Variants in SMCHD1 observed in about 807,000 individuals in gnomAD.
SMCHD1 encodes structural maintenance of chromosomes flexible hinge domain containing 1, also known as structural maintenance of chromosomes flexible hinge domain-containing protein 1.
A neutral mutation model predicts 254.7 loss-of-function variants in SMCHD1; 78 were observed. The ratio of observed to expected loss-of-function variants is 0.31; its 90% CI spans 0.26 to 0.37. SMCHD1 has a LOEUF of 0.37. Among genes scored for constraint, SMCHD1 ranks in the 10% least tolerant of loss-of-function variants. The pLI is 1.00. For missense variants in SMCHD1, 1,840 were observed against 2,408.1 expected (o/e 0.76, Z 4.94); for synonymous variants, 766 against 794.9 (o/e 0.96, Z 0.61).
chr18:2,740,609 GAGTA>G (rs1323600885), intron 27 of SMCHD1, 90 bp from the exon 28 acceptor site: 4 of 533,116 alleles, frequency 7.5e-6, no homozygotes, highest in Non-Finnish European at 1.2e-5. Context: ...AGAGAACAAA[GAGTA>G]AGTTTCTAAG....
chr18:2,707,658 A>T lies in SMCHD1; in HGVS notation c.2146+13A>T. On this transcript the variant is annotated intron_variant, in intron 16 of 47. Transcript: ENST00000320876. ...GGAACCCCTATTGGTATGTTTGTTT[A>T]TTTTTCTAATACCAAAAAGTGTGCT... 1 of 1,553,230 alleles carries T rather than the reference A, an allele frequency of 6.4e-7. No homozygotes were observed. The highest frequency in any genetic ancestry group is 8.8e-7 in the Non-Finnish European group (1 of 1,134,428).
chr18:2,782,126 C>G (rs990981679), intron 44 of SMCHD1, among the ~76,000 whole-genome samples: 49 of 152,180 alleles, frequency 3.2e-4, no homozygotes, highest in African/African-American at 1.2e-3. Flanking sequence ...CTTTGCCAAT[C>G]AAATGTTATT....
chr18:2,657,507 G>T (rs1382547752), intron 1 of SMCHD1, among the ~76,000 whole-genome samples: 1 of 152,100 alleles, frequency 6.6e-6, no homozygotes, highest in East Asian at 1.9e-4. Context: ...TGTGTTTATA[G>T]TAAAAATATC....
intron 13 of SMCHD1, among the ~76,000 whole-genome samples, chr18:2,704,769 A>T (rs2143224281): frequency 6.6e-6 from 1 of 152,252 alleles, no homozygotes; most frequent in South Asian, 2.1e-4. Context: ...TTCTCTCCAT[A>T]AATGAGAGAT....
chr18:2,770,879 CA>C (rs1395456513), intron 39 of SMCHD1, among the ~76,000 whole-genome samples: 6 of 152,208 alleles, frequency 3.9e-5, no homozygotes, highest in Non-Finnish European at 8.8e-5. Context: ...CCTTGGCCCC[CA>C]CAAAGTGCTA....
chr18:2,701,474 C>T (rs1396531395), intron 12 of SMCHD1, among the ~76,000 whole-genome samples: 1 of 152,064 alleles, frequency 6.6e-6, no homozygotes, highest in Non-Finnish European at 1.5e-5. Flanking sequence ...ATCTTAATAT[C>T]TAGCCCTTGA....
intron 37 of SMCHD1, among the ~76,000 whole-genome samples, chr18:2,764,502 G>A (rs1458345863): frequency 6.6e-6 from 1 of 152,102 alleles, no homozygotes; most frequent in African/African-American, 2.4e-5. Flanking sequence ...TCTAAAGTTT[G>A]TTTTTATCAA....
Position 2,764,612 on chromosome 18 carries a change from G to T in SMCHD1, c.4719+823G>T, listed in dbSNP as rs190090948. Among the ~76,000 whole-genome samples, 335 of 152,270 alleles carry T rather than the reference G, an allele frequency of 2.2e-3. 3 individuals carry two copies. The highest frequency in any genetic ancestry group is 7.8e-3 in the African/African-American group (326 of 41,558). ...AATAATTAGGAAAAAAATTTCATCT[G>T]TACTGAATACATACATTTTTCTTGT... On this transcript the variant is annotated intron_variant, in intron 37 of 47. Transcript: ENST00000320876.
intron 25 of SMCHD1, among the ~76,000 whole-genome samples, chr18:2,734,164 A>T (rs376099977): frequency 6.6e-6 from 1 of 152,304 alleles, no homozygotes; most frequent in African/African-American, 2.4e-5. Flanking sequence ...GAGAATTGAG[A>T]TAGAAATAAT....
At chr18:2,678,429 C>A (rs1275679286) in intron 5 of SMCHD1, among the ~76,000 whole-genome samples, 1 of 151,780 alleles carries the variant, frequency 6.6e-6, no homozygotes, top group East Asian at 1.9e-4. Context: ...GCCTCCTGGG[C>A]TTGGCTTACA....
chr18:2,739,764 A>G (rs2075313898), intron 27 of SMCHD1, among the ~76,000 whole-genome samples: 1 of 152,216 alleles, frequency 6.6e-6, no homozygotes, highest in African/African-American at 2.4e-5. Flanking sequence ...TGTTAGAAGT[A>G]ATATTACTAG....
In SMCHD1 at chr18:2,678,822, G is replaced by T. The variant is rs375151733; in HGVS notation, c.638+4677G>T. On this transcript the variant is annotated intron_variant, in intron 5 of 47. Transcript: ENST00000320876. The stretch of plus-strand genomic sequence containing the variant: ...GAATGTCTTAATCTTTCCGTTTTTT[G>T]TTTTTTTTTTTTTTTTGTTTGTTTG... 8.3e-5 allele frequency among the ~76,000 whole-genome samples: 12 copies of T among 144,704 alleles called. No individual in the cohort carries two copies. In the South Asian group the frequency reaches 8.8e-4, roughly 11 times the overall value. 94.9% of individuals were successfully genotyped at this position (144,704 alleles called of 152,430 possible).
At position 2,708,909 on chromosome 18, in the gene SMCHD1, AC is replaced by A. The variant is rs2074596331; in HGVS notation, c.2260+990del. 1.4e-4 allele frequency among the ~76,000 whole-genome samples: 4 copies of A among 28,378 alleles called. 1 individual carries two copies. The highest frequency in any genetic ancestry group is 1.8e-4 in the Non-Finnish European group (3 of 16,292). The allele number at this position is 28,378 out of a possible 152,430, so 18.6% of individuals were successfully genotyped here. The stretch of plus-strand genomic sequence containing the variant: ...ATATATATATATATATATATATATA[AC>A]ATATTAACATGAAATTTATGAAGTG... On this transcript the variant is annotated intron_variant, in intron 17 of 47. Transcript: ENST00000320876.
chr18:2,685,094 A>ATTTTTTTTTTTTTTTTTTTTTTTTTTTTT lies in SMCHD1; in HGVS notation c.639-3293_639-3292insTTTTTTTTTTTTTTTTTTTTTTTTTTTTT, dbSNP rs372694951. Among the ~76,000 whole-genome samples the ATTTTTTTTTTTTTTTTTTTTTTTTTTTTT allele has an allele frequency of 7.3e-5, 6 of 81,880 alleles. 3 individuals carry two copies. The highest frequency in any genetic ancestry group is 8.6e-5 in the Non-Finnish European group (4 of 46,752). The allele number at this position is 81,880 out of a possible 152,430, so 53.7% of individuals were successfully genotyped here. A position where few individuals can be genotyped will look rare whatever the true frequency, so the allele number is the denominator to read the frequency against. ...AGCACACTGTTCTGTTCTGTCCCTT[A>ATTTTTTTTTTTTTTTTTTTTTTTTTTTTT]TTTTTTTCTTTTTTTTTTTTTTTTG... is the stretch of plus-strand genomic sequence containing the variant. On this transcript the variant is annotated intron_variant, in intron 5 of 47. Transcript: ENST00000320876.
chr18:2,658,997 A>G (rs2073165596), intron 1 of SMCHD1, among the ~76,000 whole-genome samples: 2 of 152,218 alleles, frequency 1.3e-5, no homozygotes, highest in East Asian at 1.9e-4. Flanking sequence ...TATTAGAACC[A>G]TCACTTTTGT....
intron 17 of SMCHD1, among the ~76,000 whole-genome samples, chr18:2,716,682 A>G (rs961031544): frequency 3.2e-4 from 49 of 152,218 alleles, no homozygotes; most frequent in African/African-American, 1.1e-3. Flanking sequence ...AACCACTGCC[A>G]TGCCAAAGAT....
chr18:2,695,087 A>G (rs151258065), intron 8 of SMCHD1, among the ~76,000 whole-genome samples: 1,918 of 152,174 alleles, frequency 0.013, 10 homozygotes, highest in Non-Finnish European at 0.021. Context: ...TGTATCTCCA[A>G]TGTCTTCTAG....
rs62084199 is a variant in SMCHD1 at position 2,687,768 on chromosome 18, G to A, written c.639-626G>A. On this transcript the variant is annotated intron_variant, in intron 5 of 47. Coordinates refer to ENST00000320876, the MANE Select transcript of SMCHD1 (RefSeq NM_015295.3). ...TTTGTTTCCTGTGGTTACGTTCTTT[G>A]CATCTTTCTGTTCTCTAATTCTCTC... Among the ~76,000 whole-genome samples, 213 of 152,068 alleles carry A rather than the reference G, an allele frequency of 1.4e-3. 1 individual carries two copies. Among genetic ancestry groups the A allele is most frequent in the Admixed American group, 2.5e-3 (38 of 15,274 alleles).
intron 17 of SMCHD1, among the ~76,000 whole-genome samples, chr18:2,717,585 G>A (rs1269029026): frequency 6.6e-6 from 1 of 152,190 alleles, no homozygotes; most frequent in African/African-American, 2.4e-5. Context: ...AAAGTGCTGC[G>A]ATTACAGGCA....
Sources: gnomAD v4.1 joint callset for allele counts (sites outside exome capture counted in the v4.1 genomes callset) on GRCh38, gnomAD v4.1.1 for gene constraint, MANE v1.5 for transcripts, NCBI Gene and HGNC (gene_info 2026-07-23, HGNC 2026-07-21) for gene names.